Variants in ST6GAL1 observed in about 807,000 individuals in gnomAD.
The protein encoded by ST6GAL1 is ST6 beta-galactoside alpha-2,6-sialyltransferase 1.
A neutral mutation model predicts 38.0 loss-of-function variants in ST6GAL1; 20 were observed. The observed-to-expected ratio is 0.53, with a 90% CI of 0.37 to 0.77. The LOEUF (loss-of-function observed/expected upper bound fraction) is 0.77. Ranked by LOEUF, ST6GAL1 falls within the 30% of genes least tolerant of loss-of-function variation. The pLI is 0.00. For synonymous variants in ST6GAL1, 196 were observed against 188.2 expected (o/e 1.04, Z -0.34); for missense variants, 432 against 496.4 (o/e 0.87, Z 1.23).
At chr3:187,007,816 T>C (rs1457117673) in intron 2 of ST6GAL1, among the ~76,000 whole-genome samples, 1 of 152,146 alleles carries the variant, frequency 6.6e-6, no homozygotes, top group Non-Finnish European at 1.5e-5. Context: ...TTAGGAAAGA[T>C]AGAAGTTCTC....
chr3:187,023,345 CTT>C (rs1189380322), intron 2 of ST6GAL1, among the ~76,000 whole-genome samples: 4 of 151,980 alleles, frequency 2.6e-5, no homozygotes, highest in African/African-American at 9.7e-5. Flanking sequence ...TTGTTTGACT[CTT>C]TATTTATCCT....
At chr3:186,931,535 C>T (rs1403411717) in intron 1 of ST6GAL1, 1 of 152,396 alleles carries the variant, frequency 6.6e-6, no homozygotes, top group East Asian at 1.9e-4. Flanking sequence ...CACCCCTCAC[C>T]TTCACCTCCT....
intron 2 of ST6GAL1, among the ~76,000 whole-genome samples, chr3:187,012,354 T>A (rs1470763658): frequency 6.6e-6 from 1 of 151,770 alleles, no homozygotes. Context: ...GCCCCCCAGG[T>A]TCAAGTGATT....
intron 2 of ST6GAL1, among the ~76,000 whole-genome samples, chr3:187,024,022 A>G (rs1717426517): frequency 1.3e-5 from 2 of 151,666 alleles, no homozygotes; most frequent in African/African-American, 4.8e-5. Context: ...CCCTTAGACT[A>G]CCAGGACTTA....
chr3:187,059,497 T>TGAGAGATGTTCATTTAC (rs1718836014), intron 5 of ST6GAL1, among the ~76,000 whole-genome samples: 2 of 152,320 alleles, frequency 1.3e-5, no homozygotes, highest in Middle Eastern at 3.4e-3. Flanking sequence ...TCTTAATTAA[T>TGAGAGATGTTCATTTAC]TCATTCATTC....
chr3:187,050,560 G>GAGAGAC lies in ST6GAL1; in HGVS notation c.608-689_608-688insAGAGAC, dbSNP rs371144529. Among the ~76,000 whole-genome samples the GAGAGAC allele has an allele frequency of 1.5e-3, 231 of 149,692 alleles. 2 individuals are homozygous for GAGAGAC. Among genetic ancestry groups the GAGAGAC allele is most frequent in the Middle Eastern group, 6.8e-3 (2 of 294 alleles). ...AGAGAGAGAGAGAGAGAGAGAGAGA[G>GAGAGAC]GGAGGGAGGGAAGGAAGGAGGGAGG... On this transcript the variant is annotated intron_variant, in intron 4 of 7. Coordinates refer to ENST00000169298, the MANE Select transcript of ST6GAL1 (RefSeq NM_173216.2).
intron 1 of ST6GAL1, among the ~76,000 whole-genome samples, chr3:186,943,430 T>C (rs1332011583): frequency 6.6e-6 from 1 of 152,178 alleles, no homozygotes; most frequent in Non-Finnish European, 1.5e-5. Context: ...CATACACTAT[T>C]ATTATCTCAA....
chr3:187,034,076 A>G (rs987881773), intron 2 of ST6GAL1, among the ~76,000 whole-genome samples: 1 of 151,866 alleles, frequency 6.6e-6, no homozygotes, highest in Non-Finnish European at 1.5e-5. Context: ...GACAAATATG[A>G]CATTACAACT....
At chr3:187,011,982 T>C (rs1405234078) in intron 2 of ST6GAL1, among the ~76,000 whole-genome samples, 1 of 152,228 alleles carries the variant, frequency 6.6e-6, no homozygotes, top group African/African-American at 2.4e-5. Context: ...GATTCAGACC[T>C]GGAACGCTCT....
chr3:187,067,149 C>T (rs1437084415), intron 5 of ST6GAL1, among the ~76,000 whole-genome samples: 6 of 125,528 alleles, frequency 4.8e-5, no homozygotes, highest in Admixed American at 1.1e-4. Flanking sequence ...TGCAGTGGTG[C>T]GATCTTGGCT....
chr3:186,967,155 G>T (rs1474359585), intron 2 of ST6GAL1, among the ~76,000 whole-genome samples: 2 of 152,182 alleles, frequency 1.3e-5, no homozygotes, highest in Non-Finnish European at 2.9e-5. Flanking sequence ...GTAGCTGTGT[G>T]TCCAGGGTTT....
intron 2 of ST6GAL1, among the ~76,000 whole-genome samples, chr3:186,969,475 C>A (rs973434866): frequency 6.6e-6 from 1 of 152,178 alleles, no homozygotes; most frequent in Non-Finnish European, 1.5e-5. Flanking sequence ...GATGGCTCCT[C>A]TGGTGAAATG....
chr3:186,934,746 T>TTTTA (rs146861695), intron 1 of ST6GAL1, among the ~76,000 whole-genome samples: 16 of 150,294 alleles, frequency 1.1e-4, no homozygotes, highest in African/African-American at 1.7e-4. Context: ...TTTTAAAAAA[T>TTTTA]TTTATTTATT....
At chr3:186,938,813 G>C (rs3864106) in intron 1 of ST6GAL1, among the ~76,000 whole-genome samples, 93,933 of 152,104 alleles carry the variant, frequency 0.62, 29,094 homozygotes, top group South Asian at 0.68. Flanking sequence ...GTAACCCCAT[G>C]GTCAACCCCA....
intron 1 of ST6GAL1, among the ~76,000 whole-genome samples, chr3:186,946,343 AAT>A (rs1281430465): frequency 1.3e-5 from 2 of 152,050 alleles, no homozygotes; most frequent in East Asian, 3.8e-4. Flanking sequence ...TATAAAATAA[AAT>A]AATAAAATTA....
intron 2 of ST6GAL1, among the ~76,000 whole-genome samples, chr3:186,978,387 T>C (rs1715586522): frequency 6.6e-6 from 1 of 152,176 alleles, no homozygotes; most frequent in South Asian, 2.1e-4. Context: ...CTCTGACTCC[T>C]CCTCAGTTTA....
rs528402488 is a variant in ST6GAL1 at position 186,962,102 on chromosome 3, C to T, written c.-324-1683C>T. The stretch of plus-strand genomic sequence containing the variant: ...GCAACTTGTTCTTTTTCCGTCTCAC[C>T]AGATGCCTTTGTTGTTCGCCCTGTT... On this transcript the variant is annotated intron_variant, in intron 1 of 7. Coordinates refer to ENST00000169298, the MANE Select transcript of ST6GAL1 (RefSeq NM_173216.2). Among the ~76,000 whole-genome samples the T allele has an allele frequency of 3.3e-5, 5 of 152,310 alleles. No individual in the cohort carries two copies. The South Asian group carries it at 1.0e-3, about 32-fold the overall frequency.
Position 187,074,266 on chromosome 3 carries a change from A to C in ST6GAL1, c.912A>C (p.Leu304=), listed in dbSNP as rs145340448. The C allele has an allele frequency of 1.5e-4, 247 of 1,611,928 alleles. 1 individual carries two copies. The East Asian group carries it at 5.1e-3, about 33-fold the overall frequency. Residue 304 remains leucine (L), a synonymous_variant, in exon 7 of 8, where the codon CTA becomes CTC. Coordinates refer to ENST00000169298, the MANE Select transcript of ST6GAL1 (RefSeq NM_173216.2). ...TCAAGCCCCAGATGCCTTGGGAGCT[A>C]TGGGACATTCTTCAAGAAATCTCCC... is the stretch of plus-strand genomic sequence containing the variant. ...YILKPQMPWE[L]WDILQEISPE...
At chr3:187,072,359 G>A (rs1719412826) in intron 5 of ST6GAL1, 1 of 76,984 alleles carries the variant, frequency 1.3e-5, no homozygotes, top group Non-Finnish European at 3.0e-5. Flanking sequence ...GTGTTGGACT[G>A]TGTTGGCTGT....
Sources: allele counts gnomAD v4.1 joint callset (sites outside exome capture counted in the v4.1 genomes callset), GRCh38; gene constraint gnomAD v4.1.1; transcripts MANE v1.5; gene names NCBI Gene and HGNC (gene_info 2026-07-23, HGNC 2026-07-21).